The following EMP2 variants were observed in gnomAD, a reference collection of about 807,000 sequenced individuals.
The protein encoded by EMP2 is epithelial membrane protein 2.
A neutral mutation model predicts 13.7 loss-of-function variants in EMP2; 19 were observed. The ratio of observed to expected loss-of-function variants is 1.38; its 90% confidence interval spans 0.97 to 2.03. The LOEUF (loss-of-function observed/expected upper bound fraction) is 2.03, where lower values mean the gene tolerates loss of function less well. Among genes scored for constraint, EMP2 ranks in the 30% most tolerant of loss-of-function variants. The probability of loss-of-function intolerance (pLI) is 0.00; values close to 1 mark genes in which losing one functional copy is unlikely to be tolerated. For synonymous variants in EMP2, 97 were observed against 84.7 expected (o/e 1.15, Z -0.80); for missense variants, 253 against 220.7 (o/e 1.15, Z -0.93).
At chr16:10,556,104 T>C (rs939755848) in intron 1 of EMP2, among the ~76,000 whole-genome samples, 12 of 152,206 alleles carry the variant, frequency 7.9e-5, no homozygotes, top group Non-Finnish European at 2.9e-5. Context: ...ATTTACATGA[T>C]TGCTATATAA....
chr16:10,555,788 T>C (rs965282944), intron 1 of EMP2, among the ~76,000 whole-genome samples: 2 of 152,138 alleles, frequency 1.3e-5, no homozygotes, highest in Admixed American at 1.3e-4. Context: ...GGTTTCTCCA[T>C]GTTAGTCAGG....
At chr16:10,571,851 G>A (rs962269869) in intron 1 of EMP2, among the ~76,000 whole-genome samples, 2 of 152,226 alleles carry the variant, frequency 1.3e-5, no homozygotes, top group Non-Finnish European at 2.9e-5. Context: ...GTAAGCCAGT[G>A]ATGGGCGGTA....
intron 1 of EMP2, among the ~76,000 whole-genome samples, chr16:10,574,540 T>G (rs977989624): frequency 6.6e-6 from 1 of 151,496 alleles, no homozygotes; most frequent in East Asian, 1.9e-4. Flanking sequence ...TCGCAATCTC[T>G]GCCTTTTCTT....
intron 1 of EMP2, among the ~76,000 whole-genome samples, chr16:10,549,872 T>G (rs984057755): frequency 2.0e-4 from 29 of 147,796 alleles, no homozygotes; most frequent in Admixed American, 6.7e-5. Context: ...CTTTTCTTTT[T>G]TTTTCTTTTT....
At chr16:10,547,715 A>G in intron 1 of EMP2, 38 bp from the exon 2 acceptor site, 1 of 1,210,798 alleles carries the variant, frequency 8.3e-7, no homozygotes, top group Non-Finnish European at 1.2e-6. Flanking sequence ...AAATCTGTCA[A>G]TGACAAAACA....
At chr16:10,560,818 TGGC>T (rs148959240) in intron 1 of EMP2, among the ~76,000 whole-genome samples, 1,661 of 151,936 alleles carry the variant, frequency 0.011, 26 homozygotes, top group African/African-American at 0.038. Context: ...CAGTGCAGAG[TGGC>T]ACACTTAGGA....
rs538974493 is a variant in EMP2 at position 10,553,571 on chromosome 16, A to T, written c.-60-5894T>A. On this transcript the variant is annotated intron_variant, in intron 1 of 4. Coordinates refer to ENST00000359543, the MANE Select transcript of EMP2 (RefSeq NM_001424.6). ...GAGGGGCCGAAGGCTAGTAGGGGACAAGAGTGTGGAGCTGGGAGCTCCAGC... is the reference window on the plus strand; with the variant it reads ...GAGGGGCCGAAGGCTAGTAGGGGACTAGAGTGTGGAGCTGGGAGCTCCAGC... 2.0e-5 allele frequency among the ~76,000 whole-genome samples: 3 copies of T among 152,180 alleles called. No homozygotes were observed. The East Asian group carries it at 5.8e-4, about 29-fold the overall frequency.
chr16:10,541,336 A>T (rs570551341), intron 3 of EMP2, among the ~76,000 whole-genome samples: 10 of 152,332 alleles, frequency 6.6e-5, no homozygotes, highest in African/African-American at 2.4e-4. Flanking sequence ...AGAGGGACAG[A>T]CAGTGAATAT....
intron 1 of EMP2, among the ~76,000 whole-genome samples, chr16:10,549,883 C>CTTTTTTTTTTTTT (rs59259895): frequency 4.5e-5 from 5 of 112,270 alleles, no homozygotes; most frequent in Admixed American, 9.2e-5. Flanking sequence ...TTTTCTTTTT[C>CTTTTTTTTTTTTT]TTTTTTTTTT....
Position 10,532,767 on chromosome 16 carries a change from T to C in EMP2, c.*138A>G, listed in dbSNP as rs1471131803. The C allele has an allele frequency of 2.1e-4, 58 of 273,404 alleles. 3 individuals carry two copies. The highest frequency in any genetic ancestry group is 9.9e-4 in the African/African-American group (35 of 35,384). 16.9% of individuals were successfully genotyped at this position (273,404 alleles called of 1,614,324 possible). ...TTTTTTTTTCTTTTTTCTTTTTTTTTTTTTTTTTTTTTTTTTTTTGGCTTT... is the reference window on the plus strand; with the variant it reads ...TTTTTTTTTCTTTTTTCTTTTTTTTCTTTTTTTTTTTTTTTTTTTGGCTTT... On this transcript the variant is annotated 3_prime_UTR_variant, in exon 5 of 5. Transcript: ENST00000359543.
chr16:10,558,039 T>G (rs1187848551), intron 1 of EMP2, among the ~76,000 whole-genome samples: 2 of 151,512 alleles, frequency 1.3e-5, no homozygotes, highest in Non-Finnish European at 1.5e-5. Context: ...AAGTTTTTTT[T>G]TTTTTTTTTA....
chr16:10,534,176 T>A (rs2050629959), intron 4 of EMP2, among the ~76,000 whole-genome samples: 1 of 152,130 alleles, frequency 6.6e-6, no homozygotes, highest in South Asian at 2.1e-4. Context: ...AAAGCTTTTT[T>A]AAATTGCTCT....
intron 1 of EMP2, chr16:10,576,698 G>A (rs561719829): frequency 4.3e-4 from 66 of 152,296 alleles, no homozygotes; most frequent in African/African-American, 1.6e-3. Flanking sequence ...ATCAACAGAA[G>A]CCCAGCTTGC....
In EMP2 at chr16:10,530,708, G is replaced by A. The variant is rs148827549; in HGVS notation, c.*2197C>T. 7 of 152,406 alleles carry A rather than the reference G, an allele frequency of 4.6e-5. No homozygotes were observed. Among genetic ancestry groups the A allele is most frequent in the Non-Finnish European group, 8.8e-5 (6 of 68,084 alleles). The allele number at this position is 152,406 out of a possible 1,614,324, so 9.4% of individuals were successfully genotyped here. On this transcript the variant is annotated 3_prime_UTR_variant, in exon 5 of 5. Coordinates refer to ENST00000359543, the MANE Select transcript of EMP2 (RefSeq NM_001424.6). ...TCATTCACCCAGACCCTCTGAATCA[G>A]CCTGTCCCAAGCAGCACGGGAACCC... is the stretch of plus-strand genomic sequence containing the variant.
At chr16:10,573,750 G>A (rs186349597) in intron 1 of EMP2, among the ~76,000 whole-genome samples, 6 of 152,236 alleles carry the variant, frequency 3.9e-5, no homozygotes, top group African/African-American at 1.2e-4. Context: ...GACCTACTCC[G>A]ATGTCTCCTT....
At chr16:10,569,341 T>G (rs1451251983) in intron 1 of EMP2, among the ~76,000 whole-genome samples, 1 of 152,236 alleles carries the variant, frequency 6.6e-6, no homozygotes. Context: ...CTGTTTTGTT[T>G]TTTGTTTTTA....
At chr16:10,550,016 G>A (rs1412827162) in intron 1 of EMP2, among the ~76,000 whole-genome samples, 2 of 151,206 alleles carry the variant, frequency 1.3e-5, no homozygotes, top group East Asian at 3.9e-4. Context: ...CTCCTGAGTA[G>A]CTGGGACTAC....
At chr16:10,565,150 G>A (rs2050898784) in intron 1 of EMP2, among the ~76,000 whole-genome samples, 1 of 152,182 alleles carries the variant, frequency 6.6e-6, no homozygotes. Context: ...CTTTGAAGAG[G>A]TGAAAGAGAA....
chr16:10,538,328 C>G (rs1348274995), intron 3 of EMP2, among the ~76,000 whole-genome samples: 1 of 152,210 alleles, frequency 6.6e-6, no homozygotes, highest in East Asian at 1.9e-4. Flanking sequence ...ACCACCTGCT[C>G]TGCATTCTTC....
Sources: allele counts gnomAD v4.1 joint callset (sites outside exome capture counted in the v4.1 genomes callset), GRCh38; gene constraint gnomAD v4.1.1; transcripts MANE v1.5; gene names NCBI Gene and HGNC (gene_info 2026-07-23, HGNC 2026-07-21).